Variants in ADGRL2 observed in about 807,000 individuals in gnomAD.
The protein encoded by ADGRL2 is calcium-independent alpha-latrotoxin receptor 2.
A neutral mutation model predicts 157.4 loss-of-function variants in ADGRL2; 44 were observed. The ratio of observed to expected loss-of-function variants is 0.28; its 90% CI spans 0.22 to 0.36. The LOEUF is 0.36. ADGRL2 is among the 10% of genes least tolerant of loss of function. The pLI, the probability that ADGRL2 is intolerant of heterozygous loss-of-function variation, is 1.00. For missense variants in ADGRL2, 1,510 were observed against 1,768.9 expected, an observed-to-expected ratio of 0.85 and a Z score of 2.63; for synonymous variants, 585 against 624.7, an observed-to-expected ratio of 0.94 and a Z score of 0.95.
At chr1:81,589,060 A>T (rs987429396) in intron 3 of ADGRL2, among the ~76,000 whole-genome samples, 2 of 152,132 alleles carry the variant, frequency 1.3e-5, no homozygotes, top group Non-Finnish European at 2.9e-5. Context: ...TATTCTAATC[A>T]TTGAGGACAG....
intron 1 of ADGRL2, among the ~76,000 whole-genome samples, chr1:81,436,673 C>A (rs1160309824): frequency 6.6e-6 from 1 of 152,222 alleles, no homozygotes; most frequent in Non-Finnish European, 1.5e-5. Flanking sequence ...GCCTTTCCAT[C>A]CTTCCACTTC....
At chr1:81,524,513 G>C (rs2079405510) in intron 2 of ADGRL2, among the ~76,000 whole-genome samples, 1 of 152,106 alleles carries the variant, frequency 6.6e-6, no homozygotes, top group Admixed American at 6.5e-5. Context: ...CAGTGTGTGT[G>C]TGTATAAAAG....
At chr1:81,655,898 G>C (rs887108375) in intron 3 of ADGRL2, among the ~76,000 whole-genome samples, 2 of 152,118 alleles carry the variant, frequency 1.3e-5, no homozygotes, top group African/African-American at 4.8e-5. Context: ...AAGTCCCCCG[G>C]AGATCATCTT....
intron 2 of ADGRL2, among the ~76,000 whole-genome samples, chr1:81,562,149 A>G (rs1400663757): frequency 6.6e-6 from 1 of 152,212 alleles, no homozygotes. Context: ...TTTATAAATA[A>G]TAAATAGAAG....
intron 2 of ADGRL2, among the ~76,000 whole-genome samples, chr1:81,520,916 C>T (rs2079298676): frequency 2.6e-5 from 4 of 152,130 alleles, no homozygotes. Flanking sequence ...TTGTGCCCAC[C>T]ACAGGGACCA....
intron 2 of ADGRL2, among the ~76,000 whole-genome samples, chr1:81,524,389 T>C (rs2079402467): frequency 6.6e-6 from 1 of 151,918 alleles, no homozygotes; most frequent in Non-Finnish European, 1.5e-5. Context: ...ATAAAAATCA[T>C]ACAAACATAC....
rs1429132411 is a variant in ADGRL2 at position 81,936,849 on chromosome 1, G to T, written c.397+12G>T. 11 of 1,509,112 alleles carry T rather than the reference G, an allele frequency of 7.3e-6. No individual in the cohort carries two copies. Among genetic ancestry groups the T allele is most frequent in the Non-Finnish European group, 1.0e-5 (11 of 1,085,416 alleles). The allele number at this position is 1,509,112 out of a possible 1,614,324, so 93.5% of individuals were successfully genotyped here. A position where few individuals can be genotyped will look rare whatever the true frequency, so the allele number is the denominator to read the frequency against. ...ATGTGTCCCTTACAGTAAGTATGCA[G>T]TTTATATTTTTTTACACTTTGCCCA... On this transcript the variant is annotated intron_variant, in intron 4 of 23. Transcript: ENST00000686636.
chr1:81,642,226 C>T (rs111785816), intron 3 of ADGRL2, among the ~76,000 whole-genome samples: 3,012 of 131,456 alleles, frequency 0.023, 52 homozygotes, highest in Non-Finnish European at 0.036. Flanking sequence ...CCAGCCTGGG[C>T]GACAGAGCGA....
At position 81,991,787 on chromosome 1, in the gene ADGRL2, G is replaced by A. The variant is rs926519529; in HGVS notation, c.*642G>A. ...AATTATATTTTGTTCTATTGCTAGG[G>A]TAAAATAAATACATTTGTGTCCAAC... On this transcript the variant is annotated 3_prime_UTR_variant, in exon 24 of 24. Coordinates refer to ENST00000686636, the MANE Select transcript of ADGRL2 (RefSeq NM_001366006.2). 6.6e-6 allele frequency: 1 copy of A among 152,526 alleles called. No individual in the cohort carries two copies. The highest frequency in any genetic ancestry group is 6.6e-5 in the Admixed American group (1 of 15,258). The allele number at this position is 152,526 out of a possible 1,614,324, so 9.4% of individuals were successfully genotyped here.
At chr1:81,820,205 A>G (rs1056032541) in intron 1 of ADGRL2, among the ~76,000 whole-genome samples, 2 of 152,146 alleles carry the variant, frequency 1.3e-5, no homozygotes, top group Non-Finnish European at 2.9e-5. Context: ...CTCTCAATGT[A>G]TTTTTTGAAT....
chr1:81,404,516 C>G (rs1352258326), intron 1 of ADGRL2, among the ~76,000 whole-genome samples: 3 of 152,120 alleles, frequency 2.0e-5, no homozygotes, highest in Non-Finnish European at 2.9e-5. Context: ...TGGGCCAAGG[C>G]AAACAATTAG....
chr1:81,523,494 A>C (rs61773205), intron 2 of ADGRL2, among the ~76,000 whole-genome samples: 1,938 of 152,304 alleles, frequency 0.013, 11 homozygotes, highest in Non-Finnish European at 0.017. Flanking sequence ...TCTATACCAT[A>C]AGTCAATATT....
At position 81,943,848 on chromosome 1, in the gene ADGRL2, T is replaced by G; in HGVS notation, c.1210+79T>G. On this transcript the variant is annotated intron_variant, in intron 6 of 23. Coordinates refer to ENST00000686636, the MANE Select transcript of ADGRL2 (RefSeq NM_001366006.2). This position sits in a 1 kb window ranked among gnomAD's most constrained non-coding sequence, Gnocchi z 5.6. ...TTTTAAAGACTTCTTAATTTTTTTT[T>G]CCTATTTTCTTCCCCTTTTCATAGT... 8.9e-7 allele frequency: 1 copy of G among 1,127,824 alleles called. No individual in the cohort carries two copies. Among genetic ancestry groups the G allele is most frequent in the Admixed American group, 2.3e-5 (1 of 43,826 alleles). 69.9% of individuals were successfully genotyped at this position (1,127,824 alleles called of 1,614,324 possible).
At chr1:81,648,005 C>T (rs1447645986) in intron 3 of ADGRL2, among the ~76,000 whole-genome samples, 1 of 152,164 alleles carries the variant, frequency 6.6e-6, no homozygotes, top group Non-Finnish European at 1.5e-5. Flanking sequence ...GCAACCTCCA[C>T]CTATTTAGAT....
intron 1 of ADGRL2, among the ~76,000 whole-genome samples, chr1:81,358,473 G>C (rs148353745): frequency 6.6e-6 from 1 of 152,094 alleles, no homozygotes; most frequent in Non-Finnish European, 1.5e-5. Flanking sequence ...TTCAGTCTGA[G>C]CCCCTGAATA....
chr1:81,890,926 C>A (rs748965778), intron 2 of ADGRL2, among the ~76,000 whole-genome samples: 17 of 152,112 alleles, frequency 1.1e-4, no homozygotes, highest in Non-Finnish European at 2.2e-4. Flanking sequence ...CCTTTTTGTT[C>A]ATCTACTCAC....
At chr1:81,408,844 G>T (rs576927759) in intron 1 of ADGRL2, among the ~76,000 whole-genome samples, 1 of 152,164 alleles carries the variant, frequency 6.6e-6, no homozygotes, top group Non-Finnish European at 1.5e-5. Flanking sequence ...GCTCTTAAGC[G>T]TTCATTAGTT....
chr1:81,571,393 G>A (rs1570536115), intron 2 of ADGRL2, among the ~76,000 whole-genome samples: 1 of 146,596 alleles, frequency 6.8e-6, no homozygotes, highest in South Asian at 2.1e-4. Context: ...ATATATATGT[G>A]TATGTATATA....
intron 2 of ADGRL2, among the ~76,000 whole-genome samples, chr1:81,895,196 A>G (rs1313386939): frequency 1.3e-5 from 2 of 152,120 alleles, no homozygotes; most frequent in Admixed American, 6.6e-5. Context: ...GTTAACCCAA[A>G]TAAGTTCTAG....
Sources: allele counts gnomAD v4.1 joint callset (sites outside exome capture counted in the v4.1 genomes callset), GRCh38; gene constraint gnomAD v4.1.1; non-coding constraint Gnocchi (gnomAD v3.1); transcripts MANE v1.5; gene names NCBI Gene and HGNC (gene_info 2026-07-23, HGNC 2026-07-21).